The following ADGRV1 variants were observed in gnomAD, a reference collection of about 807,000 sequenced individuals.
The protein encoded by ADGRV1 is adhesion G protein-coupled receptor V1.
A neutral mutation model predicts 596.2 loss-of-function variants in ADGRV1; 359 were observed. The observed-to-expected ratio is 0.60, with a 90% CI of 0.55 to 0.66. ADGRV1 has a LOEUF of 0.66. Ranked by LOEUF, ADGRV1 falls within the 30% of genes least tolerant of loss-of-function variation. ADGRV1 has a pLI of 0.00. For synonymous variants in ADGRV1, 2,681 were observed against 2,679.2 expected (o/e 1.00, Z -0.02); for missense variants, 7,274 against 7,575.6 (o/e 0.96, Z 1.48).
chr5:90,586,576 C>G (rs1758791652), intron 1 of ADGRV1, among the ~76,000 whole-genome samples: 1 of 152,076 alleles, frequency 6.6e-6, no homozygotes, highest in East Asian at 1.9e-4. Flanking sequence ...TTCTTTAGCC[C>G]CCATTTTTCC....
intron 85 of ADGRV1, among the ~76,000 whole-genome samples, chr5:91,039,560 A>G (rs1250543180): frequency 6.6e-6 from 1 of 152,186 alleles, no homozygotes; most frequent in African/African-American, 2.4e-5. Flanking sequence ...GTTCTCCACA[A>G]GAAGAGGGGA....
intron 49 of ADGRV1, 34 bp from the exon 50 acceptor site, chr5:90,729,608 G>C: frequency 6.6e-7 from 1 of 1,519,238 alleles, no homozygotes; most frequent in Non-Finnish European, 9.0e-7. Context: ...TGTAACTTTT[G>C]CATTAAGATT....
intron 4 of ADGRV1, 117 bp downstream of exon 4, chr5:90,619,298 T>C (rs1763747301): frequency 2.1e-6 from 1 of 478,788 alleles, no homozygotes; most frequent in Non-Finnish European, 3.6e-6. Context: ...TAAATAAAAT[T>C]TGCTTTAACT....
intron 86 of ADGRV1, among the ~76,000 whole-genome samples, chr5:91,098,070 C>T (rs749309856): frequency 6.6e-6 from 1 of 152,188 alleles, no homozygotes; most frequent in African/African-American, 2.4e-5. Flanking sequence ...CACTCCTAAA[C>T]ACAACTTGTT....
At position 90,684,138 on chromosome 5, in the gene ADGRV1, TC is replaced by T. The variant is rs1385315049; in HGVS notation, c.6218del (p.Ser2073LeufsTer11). 1 of 1,613,858 alleles carries T rather than the reference TC, an allele frequency of 6.2e-7. No homozygotes were observed. The highest frequency in any genetic ancestry group is 2.2e-5 in the East Asian group (1 of 44,848). On this transcript the variant is annotated frameshift_variant, in exon 28 of 90. Coordinates refer to ENST00000405460, the MANE Select transcript of ADGRV1 (RefSeq NM_032119.4). LOFTEE classifies it high-confidence loss of function. ...LDDDEPERSESVFIELLNSTL... is the reference protein window; with the variant it reads ...LDDDEPERSEXVFIELLNSTL... Reference sequence around the variant, plus strand: ...TGATGATGAGCCAGAAAGGTCCGAATCTGTCTTTATCGAACTACTCAACTCT... The same window carrying T: ...TGATGATGAGCCAGAAAGGTCCGAATTGTCTTTATCGAACTACTCAACTCT...
At chr5:91,148,223 A>C (rs1254458384) in intron 87 of ADGRV1, among the ~76,000 whole-genome samples, 1 of 152,248 alleles carries the variant, frequency 6.6e-6, no homozygotes, top group South Asian at 2.1e-4. Context: ...AGAAATTTGC[A>C]TAAGTAATGA....
Position 90,647,649 on chromosome 5 carries a change from A to G in ADGRV1, c.3174A>G (p.Gly1058=). ...GAGATTTCATTCCTGTTGAAAAAGG[A>G]GAAACGCTCATTTTTGAGGTTGGAA... The part of the protein sequence containing the change: ...RERDFIPVEK[G]ETLIFEVGSR... The change falls in exon 17 of 90, where the codon GGA becomes GGG. Residue 1058 remains glycine (G), a synonymous_variant. Coordinates refer to ENST00000405460, the MANE Select transcript of ADGRV1 (RefSeq NM_032119.4). 1 of 1,614,020 alleles carries G rather than the reference A, an allele frequency of 6.2e-7. No individual in the cohort carries two copies. Among genetic ancestry groups the G allele is most frequent in the Non-Finnish European group, 8.5e-7 (1 of 1,179,882 alleles).
intron 20 of ADGRV1, chr5:90,654,278 A>AGAT (rs1251409683): frequency 9.1e-6 from 3 of 328,244 alleles, no homozygotes; most frequent in Non-Finnish European, 1.7e-5. Flanking sequence ...GTAGTAGGAG[A>AGAT]GATGGGGAGT....
intron 83 of ADGRV1, among the ~76,000 whole-genome samples, chr5:90,882,314 G>T (rs1398488729): frequency 1.3e-5 from 2 of 152,110 alleles, no homozygotes; most frequent in Non-Finnish European, 1.5e-5. Context: ...GAGAAGAAAG[G>T]AAATATTGAA....
intron 86 of ADGRV1, among the ~76,000 whole-genome samples, chr5:91,088,465 C>G (rs192045542): frequency 1.6e-4 from 25 of 152,228 alleles, no homozygotes; most frequent in Non-Finnish European, 2.8e-4. Context: ...AAGAATGTAG[C>G]AAGATCTGCC....
chr5:91,018,590 C>G (rs62376463), intron 85 of ADGRV1, among the ~76,000 whole-genome samples: 36,245 of 151,886 alleles, frequency 0.24, 4,644 homozygotes, highest in Non-Finnish European at 0.28. Flanking sequence ...TGCCCTAAGT[C>G]AGCTAAAGGG....
intron 83 of ADGRV1, among the ~76,000 whole-genome samples, chr5:90,945,946 C>T (rs1001267218): frequency 4.0e-5 from 6 of 151,870 alleles, no homozygotes; most frequent in African/African-American, 1.2e-4. Flanking sequence ...CCACTGTACT[C>T]TATCTAGCCT....
chr5:91,159,909 C>T (rs1417241774), intron 89 of ADGRV1, among the ~76,000 whole-genome samples: 1 of 152,172 alleles, frequency 6.6e-6, no homozygotes. Flanking sequence ...GCCTTGAGTA[C>T]TGGCATTTCT....
chr5:90,731,663 G>A lies in ADGRV1; in HGVS notation c.10549+1899G>A, dbSNP rs987265266. 1.1e-4 allele frequency among the ~76,000 whole-genome samples: 16 copies of A among 152,294 alleles called. No individual in the cohort carries two copies. In the South Asian group the frequency reaches 2.3e-3, roughly 22 times the overall value. ...GAGGATTTGACCAGAATGTTGTGGT[G>A]CTGAGATTGGAGATACAACACTGGA... is the stretch of plus-strand genomic sequence containing the variant. On this transcript the variant is annotated intron_variant, in intron 50 of 89. Coordinates refer to ENST00000405460, the MANE Select transcript of ADGRV1 (RefSeq NM_032119.4).
At chr5:91,019,291 G>A (rs942308043) in intron 85 of ADGRV1, among the ~76,000 whole-genome samples, 1 of 152,008 alleles carries the variant, frequency 6.6e-6, no homozygotes, top group Non-Finnish European at 1.5e-5. Context: ...TAGCATCTAT[G>A]TCTGTTACAC....
intron 85 of ADGRV1, among the ~76,000 whole-genome samples, chr5:90,988,380 A>C (rs1780669051): frequency 6.6e-6 from 1 of 152,234 alleles, no homozygotes; most frequent in Non-Finnish European, 1.5e-5. Flanking sequence ...AAAGTCCAAA[A>C]TTTTACCAAA....
intron 89 of ADGRV1, among the ~76,000 whole-genome samples, chr5:91,161,137 G>A (rs568447234): frequency 6.6e-6 from 1 of 152,160 alleles, no homozygotes; most frequent in Non-Finnish European, 1.5e-5. Flanking sequence ...GGTCCTCTCT[G>A]TTCCTCCCTA....
At chr5:90,811,414 A>T (rs935677396) in intron 74 of ADGRV1, 76 bp downstream of exon 74, 1 of 1,307,492 alleles carries the variant, frequency 7.6e-7, no homozygotes, top group Non-Finnish European at 1.0e-6. Flanking sequence ...TCTAGCTTAA[A>T]TTTAATGGAA....
At chr5:90,833,641 G>A (rs540294123) in intron 77 of ADGRV1, among the ~76,000 whole-genome samples, 1 of 152,144 alleles carries the variant, frequency 6.6e-6, no homozygotes, top group Non-Finnish European at 1.5e-5. Context: ...TTAATTCTCA[G>A]GTATTTTATT....
Sources: allele counts gnomAD v4.1 joint callset (sites outside exome capture counted in the v4.1 genomes callset), GRCh38; gene constraint gnomAD v4.1.1; transcripts MANE v1.5; gene names NCBI Gene and HGNC (gene_info 2026-07-23, HGNC 2026-07-21).